LHFPL3: variants seen among roughly 807,000 people sequenced by gnomAD.
LHFPL3 encodes LHFPL tetraspan subfamily member 3 protein.
LHFPL3 carries 5 observed loss-of-function variants against 19.3 expected under a neutral mutation model. The observed-to-expected ratio is 0.26, with a 90% confidence interval of 0.14 to 0.54. LHFPL3 has a LOEUF of 0.54. Ranked by LOEUF, LHFPL3 falls within the 20% of genes least tolerant of loss-of-function variation. The probability of loss-of-function intolerance (pLI) is 0.94; values close to 1 mark genes in which losing one functional copy is unlikely to be tolerated. For synonymous variants in LHFPL3, 133 were observed against 126.2 expected, an observed-to-expected ratio of 1.05 and a Z score of -0.36; for missense variants, 249 against 307.4, an observed-to-expected ratio of 0.81 and a Z score of 1.42.
intron 2 of LHFPL3, among the ~76,000 whole-genome samples, chr7:104,771,046 A>T (rs889962660): frequency 6.6e-6 from 1 of 152,146 alleles, no homozygotes; most frequent in African/African-American, 2.4e-5. Context: ...AACTTTGTTC[A>T]CACTTTTTGG....
At chr7:104,398,389 C>G (rs1331793495) in intron 1 of LHFPL3, among the ~76,000 whole-genome samples, 1 of 152,182 alleles carries the variant, frequency 6.6e-6, no homozygotes, top group Non-Finnish European at 1.5e-5. Flanking sequence ...GTAATCTCCT[C>G]CAGAGCTAGT....
rs532125442 is a variant in LHFPL3, at chr7:104,641,859, G to A, written c.446-94816G>A. Among the ~76,000 whole-genome samples, 208 of 152,190 alleles carry A rather than the reference G, an allele frequency of 1.4e-3. 1 individual carries two copies. The highest frequency in any genetic ancestry group is 2.6e-3 in the Non-Finnish European group (176 of 68,006). ...AAAAATACTTTCCCCTGTATGAAAT[G>A]TAGGTGATTACCGAAGAAAATGACT... is the stretch of plus-strand genomic sequence containing the variant. On this transcript the variant is annotated intron_variant, in intron 1 of 2. Transcript: ENST00000424859.
At chr7:104,361,377 G>T (rs1790388847) in intron 1 of LHFPL3, among the ~76,000 whole-genome samples, 2 of 152,148 alleles carry the variant, frequency 1.3e-5, no homozygotes, top group African/African-American at 4.8e-5. Context: ...TGAAGGGCCT[G>T]GAATAATTGT....
chr7:104,331,981 TTAGAC>T (rs1801575369), intron 1 of LHFPL3, among the ~76,000 whole-genome samples: 1 of 151,896 alleles, frequency 6.6e-6, no homozygotes, highest in South Asian at 2.1e-4. Context: ...AGTTTAGACT[TTAGAC>T]TATTCCTCTT....
At chr7:104,742,534 G>A (rs564920306) in intron 2 of LHFPL3, among the ~76,000 whole-genome samples, 23 of 152,286 alleles carry the variant, frequency 1.5e-4, no homozygotes, top group African/African-American at 5.5e-4. Context: ...ACTGGGAGTG[G>A]CGGTGTGGTG....
chr7:104,361,743 G>A (rs1013381836), intron 1 of LHFPL3, among the ~76,000 whole-genome samples: 5 of 152,362 alleles, frequency 3.3e-5, no homozygotes, highest in Non-Finnish European at 1.5e-5. Flanking sequence ...ATGATTAAAT[G>A]TATGCTTGTA....
At chr7:104,829,529 G>A (rs1477981397) in intron 2 of LHFPL3, among the ~76,000 whole-genome samples, 29 of 151,098 alleles carry the variant, frequency 1.9e-4, no homozygotes. Context: ...CCCTTCCTGT[G>A]TCCAGGTGTT....
chr7:104,763,998 T>G (rs1469805300), intron 2 of LHFPL3, among the ~76,000 whole-genome samples: 1 of 152,236 alleles, frequency 6.6e-6, no homozygotes, highest in Admixed American at 6.5e-5. Context: ...TGTTTGGCTC[T>G]TAATCTGTGT....
At chr7:104,332,922 G>T (rs573442899) in intron 1 of LHFPL3, among the ~76,000 whole-genome samples, 7 of 141,974 alleles carry the variant, frequency 4.9e-5, no homozygotes, top group African/African-American at 1.8e-4. Context: ...TCCTAAATCT[G>T]TAGAAAGGCA....
At chr7:104,847,358 G>T (rs987236091) in intron 2 of LHFPL3, among the ~76,000 whole-genome samples, 1 of 152,210 alleles carries the variant, frequency 6.6e-6, no homozygotes, top group South Asian at 2.1e-4. Context: ...AATAAGGCAA[G>T]AATAGAAACC....
chr7:104,579,835 A>G (rs751592863), intron 1 of LHFPL3, among the ~76,000 whole-genome samples: 12 of 152,208 alleles, frequency 7.9e-5, no homozygotes, highest in Non-Finnish European at 1.6e-4. Context: ...GTGAGTTCAG[A>G]CAGTTTCTGC....
At chr7:104,613,529 G>A (rs1449562444) in intron 1 of LHFPL3, among the ~76,000 whole-genome samples, 1 of 152,140 alleles carries the variant, frequency 6.6e-6, no homozygotes, top group Non-Finnish European at 1.5e-5. Context: ...ACTGGCTAAT[G>A]AATGGTAAAA....
intron 1 of LHFPL3, among the ~76,000 whole-genome samples, chr7:104,589,049 A>G (rs1361956049): frequency 2.6e-5 from 4 of 152,006 alleles, no homozygotes; most frequent in African/African-American, 9.7e-5. Flanking sequence ...CAATCATGTC[A>G]TCTGCAAACA....
At chr7:104,799,263 T>TGTG (rs1790194048) in intron 2 of LHFPL3, 1 of 152,236 alleles carries the variant, frequency 6.6e-6, no homozygotes, top group South Asian at 2.1e-4. Flanking sequence ...GTTGTTAGGT[T>TGTG]GTGTGCCAGC....
intron 1 of LHFPL3, among the ~76,000 whole-genome samples, chr7:104,595,611 T>A (rs1275425535): frequency 6.6e-6 from 1 of 152,226 alleles, no homozygotes; most frequent in Admixed American, 6.5e-5. Context: ...CAGACAGGGA[T>A]GTTTAAGTCT....
At position 104,658,955 on chromosome 7, in the gene LHFPL3, A is replaced by G. The variant is rs543008723; in HGVS notation, c.446-77720A>G. 9.2e-5 allele frequency among the ~76,000 whole-genome samples: 14 copies of G among 152,352 alleles called. 1 individual carries two copies. The South Asian group carries it at 2.9e-3, about 32-fold the overall frequency. On this transcript the variant is annotated intron_variant, in intron 1 of 2. Transcript: ENST00000424859. ...AGCTGGAAGAGATGAAGGAGTGAGC[A>G]TAACTAACATTACTTTATTAGATCC...
At chr7:104,823,557 T>C (rs567849979) in intron 2 of LHFPL3, among the ~76,000 whole-genome samples, 2 of 152,196 alleles carry the variant, frequency 1.3e-5, no homozygotes, top group Non-Finnish European at 2.9e-5. Flanking sequence ...TATATGAAAA[T>C]TGTATTTCAC....
chr7:104,538,907 C>G (rs1161104411), intron 1 of LHFPL3, among the ~76,000 whole-genome samples: 1 of 152,182 alleles, frequency 6.6e-6, no homozygotes, highest in Non-Finnish European at 1.5e-5. Flanking sequence ...TTCTTAAAAT[C>G]AGAGAACCTT....
chr7:104,357,139 G>A (rs1225273047), intron 1 of LHFPL3, among the ~76,000 whole-genome samples: 2 of 152,182 alleles, frequency 1.3e-5, no homozygotes, highest in African/African-American at 2.4e-5. Context: ...TACTCCAGAG[G>A]GAAGTCCCAA....
Sources: gnomAD v4.1 joint callset for allele counts (sites outside exome capture counted in the v4.1 genomes callset) on GRCh38, gnomAD v4.1.1 for gene constraint, MANE v1.5 for transcripts, NCBI Gene and HGNC (gene_info 2026-07-23, HGNC 2026-07-21) for gene names.